The following RBMS3 variants were observed in gnomAD, a reference collection of about 807,000 sequenced individuals.
RBMS3 encodes the protein RNA binding motif single stranded interacting protein 3, also known as RNA-binding motif, single-stranded-interacting protein 3.
In RBMS3, 27 loss-of-function variants were observed where a neutral mutation model predicts 66.8. That is an observed-to-expected ratio of 0.40 (90% CI 0.30 to 0.56). The LOEUF is 0.56. Among genes scored for constraint, RBMS3 ranks in the 20% least tolerant of loss-of-function variants. The pLI is 0.40. For missense variants in RBMS3, 513 were observed against 549.5 expected, an observed-to-expected ratio of 0.93 and a Z score of 0.66; for synonymous variants, 188 against 183.0, an observed-to-expected ratio of 1.03 and a Z score of -0.22.
At chr3:29,871,687 T>C (rs1186044815) in intron 7 of RBMS3, among the ~76,000 whole-genome samples, 4 of 152,174 alleles carry the variant, frequency 2.6e-5, no homozygotes, top group Middle Eastern at 3.2e-3. Flanking sequence ...TAATGTTTAC[T>C]TTTCCTCTCT....
At chr3:29,329,829 A>G (rs1045967318) in intron 1 of RBMS3, among the ~76,000 whole-genome samples, 7 of 148,180 alleles carry the variant, frequency 4.7e-5, no homozygotes, top group Non-Finnish European at 8.9e-5. Context: ...TGTATATTTT[A>G]TAAATCATGT....
chr3:29,302,429 C>T (rs746808819), intron 1 of RBMS3, among the ~76,000 whole-genome samples: 2 of 151,918 alleles, frequency 1.3e-5, no homozygotes, highest in Admixed American at 6.6e-5. Flanking sequence ...ATGTTTTACC[C>T]TCCCTGGCTC....
Position 29,769,070 on chromosome 3 carries a change from C to G in RBMS3, c.637+6081C>G, listed in dbSNP as rs148388479. 4.3e-3 allele frequency among the ~76,000 whole-genome samples: 653 copies of G among 151,854 alleles called. 6 individuals carry two copies. Among genetic ancestry groups the G allele is most frequent in the African/African-American group, 0.015 (607 of 41,454 alleles). On this transcript the variant is annotated intron_variant, in intron 6 of 14. Transcript: ENST00000383767. ...TGGCCCAAATGTACTGTTTTTATGA[C>G]TTTTTGTTTTTTTAAAGAGCAGAGA... is the stretch of plus-strand genomic sequence containing the variant.
chr3:29,845,066 A>G (rs1428662538), intron 6 of RBMS3, among the ~76,000 whole-genome samples: 1 of 152,204 alleles, frequency 6.6e-6, no homozygotes, highest in African/African-American at 2.4e-5. Flanking sequence ...CAGAAGTAAC[A>G]CTTGTCACAT....
At chr3:29,431,346 A>G (rs537311036) in intron 1 of RBMS3, among the ~76,000 whole-genome samples, 12 of 132,066 alleles carry the variant, frequency 9.1e-5, no homozygotes, top group Admixed American at 2.7e-4. Context: ...TGGCTGGAGT[A>G]CAGTGGCGCA....
intron 1 of RBMS3, among the ~76,000 whole-genome samples, chr3:29,388,380 G>C (rs967638138): frequency 1.3e-5 from 2 of 152,114 alleles, no homozygotes; most frequent in African/African-American, 4.8e-5. Context: ...ATAAATATTT[G>C]TTGCATGAAT....
At chr3:29,332,797 A>G (rs908683566) in intron 1 of RBMS3, among the ~76,000 whole-genome samples, 2 of 152,198 alleles carry the variant, frequency 1.3e-5, no homozygotes, top group East Asian at 3.9e-4. Context: ...ATCTTGCCCC[A>G]AATATATAAT....
At chr3:29,299,054 A>G (rs2033486859) in intron 1 of RBMS3, among the ~76,000 whole-genome samples, 1 of 151,868 alleles carries the variant, frequency 6.6e-6, no homozygotes, top group Non-Finnish European at 1.5e-5. Context: ...TGCGACATTG[A>G]CTTAAATTGA....
rs575862386 is a variant in RBMS3 at position 29,344,894 on chromosome 3, C to G, written c.75+63138C>G. Among the ~76,000 whole-genome samples, 3 of 152,238 alleles carry G rather than the reference C, an allele frequency of 2.0e-5. No homozygotes were observed. The South Asian group carries it at 6.2e-4, about 32-fold the overall frequency. ...TTCTTCAGAAAAGACAGTGTGTAGA[C>G]AGTCCCAGTGGCTGTCCCCTTTAAC... On this transcript the variant is annotated intron_variant, in intron 1 of 14. Transcript: ENST00000383767.
intron 4 of RBMS3, among the ~76,000 whole-genome samples, chr3:29,661,293 G>C (rs755791106): frequency 6.6e-5 from 10 of 152,126 alleles, no homozygotes; most frequent in Non-Finnish European, 1.3e-4. Context: ...CACCTTCCCA[G>C]AATCCCCTAT....
intron 6 of RBMS3, among the ~76,000 whole-genome samples, chr3:29,794,766 G>A (rs1201304915): frequency 6.6e-6 from 1 of 152,138 alleles, no homozygotes; most frequent in Non-Finnish European, 1.5e-5. Flanking sequence ...TCAAGTTTAG[G>A]AGATTCATTT....
intron 3 of RBMS3, among the ~76,000 whole-genome samples, chr3:29,531,425 G>T (rs964037094): frequency 1.2e-4 from 18 of 152,312 alleles, no homozygotes; most frequent in Admixed American, 3.3e-4. Context: ...TGACTCCATG[G>T]TGATGCCACC....
chr3:29,913,692 A>G (rs2060571623), intron 10 of RBMS3, among the ~76,000 whole-genome samples: 2 of 151,978 alleles, frequency 1.3e-5, no homozygotes, highest in South Asian at 2.1e-4. Flanking sequence ...GAAACCTTTT[A>G]TCAAAGAGTT....
At chr3:29,389,085 C>A (rs2039154649) in intron 1 of RBMS3, among the ~76,000 whole-genome samples, 1 of 152,110 alleles carries the variant, frequency 6.6e-6, no homozygotes, top group Non-Finnish European at 1.5e-5. Context: ...ATAGTGAAGA[C>A]ATAACAGCAG....
intron 4 of RBMS3, among the ~76,000 whole-genome samples, chr3:29,669,147 C>T (rs2050888735): frequency 6.6e-6 from 1 of 152,206 alleles, no homozygotes; most frequent in Non-Finnish European, 1.5e-5. Context: ...CAGAGCCAGC[C>T]TGTGGTGTGG....
At chr3:29,369,375 C>G (rs915972530) in intron 1 of RBMS3, among the ~76,000 whole-genome samples, 2 of 151,568 alleles carry the variant, frequency 1.3e-5, no homozygotes, top group Admixed American at 1.3e-4. Context: ...TGTTTTTTGC[C>G]ATTACTTTCA....
At chr3:29,549,790 A>G (rs35900) in intron 3 of RBMS3, among the ~76,000 whole-genome samples, 57,121 of 148,748 alleles carry the variant, frequency 0.38, 11,068 homozygotes, top group Middle Eastern at 0.53. Flanking sequence ...GTGCACAGAG[A>G]AAAAAAAAAT....
chr3:29,972,818 A>G (rs1697312860), intron 12 of RBMS3, among the ~76,000 whole-genome samples: 1 of 150,882 alleles, frequency 6.6e-6, no homozygotes, highest in South Asian at 2.1e-4. Context: ...AAGCATCTTT[A>G]CCAAGCCCAA....
At chr3:29,869,053 A>G (rs3821577) in intron 7 of RBMS3, 89 bp downstream of exon 7, 26,750 of 1,076,996 alleles carry the variant, frequency 0.025, 397 homozygotes, top group Non-Finnish European at 0.029. Context: ...GCCATGATGA[A>G]ATTGGGTCCC....
Sources: gnomAD v4.1 joint callset for allele counts (sites outside exome capture counted in the v4.1 genomes callset) on GRCh38, gnomAD v4.1.1 for gene constraint, MANE v1.5 for transcripts, NCBI Gene and HGNC (gene_info 2026-07-23, HGNC 2026-07-21) for gene names.